Variants in AKAP19 observed in about 807,000 individuals in gnomAD.
AKAP19 encodes A-kinase anchoring protein 19.
chr2:189,896,023 AAAC>A, the AKAP19 span, among the ~76,000 whole-genome samples: 3 of 152,026 alleles, frequency 2.0e-5, no homozygotes, highest in African/African-American at 7.2e-5. Flanking sequence ...AAAAAAAAAA[AAAC>A]ATACTGCTAA....
At chr2:190,056,352 G>A in the AKAP19 span, 1 of 152,482 alleles carries the variant, frequency 6.6e-6, no homozygotes, top group South Asian at 2.1e-4. Context: ...TGATAGAGTC[G>A]ATCATTTCTA....
chr2:190,107,429 T>C, the AKAP19 span, among the ~76,000 whole-genome samples: 1 of 152,226 alleles, frequency 6.6e-6, no homozygotes, highest in African/African-American at 2.4e-5. Flanking sequence ...TATTTTTTTT[T>C]TCTGTCTTCT....
At chr2:189,971,221 A>G in the AKAP19 span, among the ~76,000 whole-genome samples, 1 of 152,226 alleles carries the variant, frequency 6.6e-6, no homozygotes, top group South Asian at 2.1e-4. Flanking sequence ...CCTATGAGTG[A>G]GAACATGTGG....
the AKAP19 span, among the ~76,000 whole-genome samples, chr2:190,072,823 C>G: frequency 6.6e-6 from 1 of 152,028 alleles, no homozygotes; most frequent in Non-Finnish European, 1.5e-5. Context: ...ACGTTACATA[C>G]CAAAACTTAT....
chr2:190,085,513 C>G, the AKAP19 span, among the ~76,000 whole-genome samples: 25 of 152,308 alleles, frequency 1.6e-4, no homozygotes, highest in African/African-American at 6.0e-4. Context: ...AATGAGGCAG[C>G]TGAAAGAATC....
At chr2:189,931,440 T>C in the AKAP19 span, among the ~76,000 whole-genome samples, 1 of 152,130 alleles carries the variant, frequency 6.6e-6, no homozygotes, top group Non-Finnish European at 1.5e-5. Flanking sequence ...TAGCTCATAT[T>C]AACCTCAAAC....
chr2:190,086,210 T>C, the AKAP19 span, among the ~76,000 whole-genome samples: 3 of 152,142 alleles, frequency 2.0e-5, no homozygotes, highest in Non-Finnish European at 4.4e-5. Context: ...CAATGGAAAA[T>C]AGGATACTGA....
the AKAP19 span, among the ~76,000 whole-genome samples, chr2:189,882,116 T>A: frequency 1.3e-5 from 2 of 152,202 alleles, no homozygotes; most frequent in Non-Finnish European, 2.9e-5. Flanking sequence ...CAAGATAAAC[T>A]TGGGGCTCCT....
the AKAP19 span, among the ~76,000 whole-genome samples, chr2:190,151,514 A>G: frequency 2.6e-5 from 4 of 152,144 alleles, no homozygotes; most frequent in Non-Finnish European, 5.9e-5. Flanking sequence ...TCCAGCTCCA[A>G]CCATTTCCCT....
the AKAP19 span, among the ~76,000 whole-genome samples, chr2:189,901,774 A>C: frequency 4.6e-5 from 7 of 152,206 alleles, no homozygotes; most frequent in Non-Finnish European, 8.8e-5. Flanking sequence ...TTTACTTGAA[A>C]TGCTACCTTT....
the AKAP19 span, among the ~76,000 whole-genome samples, chr2:190,000,818 T>C: frequency 6.6e-6 from 1 of 152,228 alleles, no homozygotes; most frequent in Non-Finnish European, 1.5e-5. Flanking sequence ...TCTTTCAACA[T>C]TATAATATGT....
At chr2:189,900,105 A>G in the AKAP19 span, among the ~76,000 whole-genome samples, 3 of 152,178 alleles carry the variant, frequency 2.0e-5, no homozygotes, top group East Asian at 3.8e-4. Flanking sequence ...TCTTGCTTGC[A>G]GCATATTATT....
chr2:189,976,288 C>T, the AKAP19 span, among the ~76,000 whole-genome samples: 4 of 152,242 alleles, frequency 2.6e-5, no homozygotes, highest in Non-Finnish European at 4.4e-5. Flanking sequence ...GGCTGCAGAA[C>T]AGCGAATATT....
At chr2:189,994,098 C>A in the AKAP19 span, among the ~76,000 whole-genome samples, 1 of 151,644 alleles carries the variant, frequency 6.6e-6, no homozygotes, top group East Asian at 1.9e-4. Context: ...GCAACCTCCA[C>A]CTCCTGGGTT....
the AKAP19 span, among the ~76,000 whole-genome samples, chr2:190,001,988 T>A: frequency 6.6e-6 from 1 of 152,182 alleles, no homozygotes. Context: ...GGTATGGGCA[T>A]CATCCATCAC....
chr2:190,147,610 T>C, the AKAP19 span, among the ~76,000 whole-genome samples: 1 of 152,234 alleles, frequency 6.6e-6, no homozygotes, highest in African/African-American at 2.4e-5. Context: ...TTTCACAATA[T>C]TGATTCTATG....
the AKAP19 span, among the ~76,000 whole-genome samples, chr2:189,914,452 G>A: frequency 6.6e-6 from 1 of 151,948 alleles, no homozygotes; most frequent in Admixed American, 6.6e-5. Flanking sequence ...GAATATGAAG[G>A]TGATTATTGA....
At chr2:190,052,731 G>T in the AKAP19 span, among the ~76,000 whole-genome samples, 3,685 of 152,210 alleles carry the variant, frequency 0.024, 158 homozygotes, top group East Asian at 0.17. Context: ...ATTTTGAATG[G>T]TTAGGATAAC....
chr2:189,952,848 CTA>C, the AKAP19 span, among the ~76,000 whole-genome samples: 11 of 152,224 alleles, frequency 7.2e-5, 1 homozygote, highest in Admixed American at 4.6e-4. Flanking sequence ...TCTTATATAA[CTA>C]TAATGATCAT....
Sources: gnomAD v4.1 joint callset for allele counts (sites outside exome capture counted in the v4.1 genomes callset) on GRCh38, gnomAD v4.1.1 for gene constraint, MANE v1.5 for transcripts, NCBI Gene and HGNC (gene_info 2026-07-23, HGNC 2026-07-21) for gene names.